Variants in ADGRL2 observed in about 807,000 individuals in gnomAD.
ADGRL2 encodes adhesion G protein-coupled receptor L2, also known as calcium-independent alpha-latrotoxin receptor 2.
In ADGRL2, 44 loss-of-function variants were observed where a neutral mutation model predicts 157.4. That is an observed-to-expected ratio of 0.28 (90% CI 0.22 to 0.36). The LOEUF is 0.36. Ranked by LOEUF, ADGRL2 falls within the 10% of genes least tolerant of loss-of-function variation. The pLI, the probability that ADGRL2 is intolerant of heterozygous loss-of-function variation, is 1.00. For missense variants in ADGRL2, 1,510 were observed against 1,768.9 expected (o/e 0.85, Z 2.63); for synonymous variants, 585 against 624.7 (o/e 0.94, Z 0.95).
At chr1:81,321,024 T>C (rs1200371269) in intron 1 of ADGRL2, among the ~76,000 whole-genome samples, 1 of 152,218 alleles carries the variant, frequency 6.6e-6, no homozygotes, top group Admixed American at 6.5e-5. Flanking sequence ...CATAGCCACC[T>C]TCATCAACTA....
chr1:81,899,462 A>G (rs1286071598), intron 2 of ADGRL2, among the ~76,000 whole-genome samples: 1 of 152,188 alleles, frequency 6.6e-6, no homozygotes, highest in Non-Finnish European at 1.5e-5. Context: ...AGCCTAAAGC[A>G]GAGAGAGTTA....
At chr1:81,925,895 A>G (rs1168063552) in intron 3 of ADGRL2, among the ~76,000 whole-genome samples, 3 of 152,058 alleles carry the variant, frequency 2.0e-5, no homozygotes, top group African/African-American at 7.2e-5. Context: ...AAAAATCTTT[A>G]TGGCATAATT....
intron 1 of ADGRL2, among the ~76,000 whole-genome samples, chr1:81,405,806 T>C (rs929244484): frequency 6.6e-6 from 1 of 152,138 alleles, no homozygotes; most frequent in Non-Finnish European, 1.5e-5. Flanking sequence ...TATGCAATCA[T>C]AAATATGACA....
chr1:81,418,040 C>T (rs2077062168), intron 1 of ADGRL2, among the ~76,000 whole-genome samples: 1 of 152,084 alleles, frequency 6.6e-6, no homozygotes, highest in Non-Finnish European at 1.5e-5. Flanking sequence ...TCATTGAGTG[C>T]TCTAACCACA....
At chr1:81,562,629 T>C (rs1454225131) in intron 2 of ADGRL2, among the ~76,000 whole-genome samples, 1 of 152,130 alleles carries the variant, frequency 6.6e-6, no homozygotes, top group African/African-American at 2.4e-5. Context: ...TAGATTTTTC[T>C]ATTATTTAAA....
chr1:81,687,024 A>G (rs2083241729), intron 3 of ADGRL2, among the ~76,000 whole-genome samples: 1 of 152,136 alleles, frequency 6.6e-6, no homozygotes, highest in Non-Finnish European at 1.5e-5. Flanking sequence ...ATTTTCTTAA[A>G]TTTATTGAGG....
intron 1 of ADGRL2, among the ~76,000 whole-genome samples, chr1:81,401,980 ATTGTTTGTTTGT>A (rs148111228): frequency 2.0e-5 from 3 of 152,012 alleles, no homozygotes. Context: ...AAAATTAGTA[ATTGTTTGTTTGT>A]TTGTTTGTTT....
At position 81,331,795 on chromosome 1, in the gene ADGRL2, G is replaced by A. The variant is rs1303239163; in HGVS notation, c.-302+25286G>A. Among the ~76,000 whole-genome samples the A allele has an allele frequency of 2.6e-5, 4 of 152,206 alleles. No individual in the cohort carries two copies. The East Asian group carries it at 7.7e-4, about 29-fold the overall frequency. ...AGTTAAAACTGTGAGTACTTAGTAT[G>A]CATTATGATGTAAAATGTAATATCA... On this transcript the variant is annotated intron_variant, in intron 1 of 24. Transcript: ENST00000370721.
intron 2 of ADGRL2, among the ~76,000 whole-genome samples, chr1:81,774,710 A>AT (rs1211307678): frequency 6.6e-6 from 1 of 152,132 alleles, no homozygotes; most frequent in African/African-American, 2.4e-5. Context: ...AGTTTTTGGA[A>AT]TAATAAATTT....
intron 1 of ADGRL2, among the ~76,000 whole-genome samples, chr1:81,388,495 GA>G (rs568137352): frequency 1.2e-4 from 19 of 152,188 alleles, no homozygotes; most frequent in African/African-American, 3.9e-4. Flanking sequence ...ACTATGGTCT[GA>G]ATGTTTTATC....
chr1:81,774,198 A>G (rs1227886503), intron 2 of ADGRL2, among the ~76,000 whole-genome samples: 1 of 152,232 alleles, frequency 6.6e-6, no homozygotes, highest in Non-Finnish European at 1.5e-5. Context: ...CTAGTCAGTC[A>G]TGAAGGGCTG....
intron 2 of ADGRL2, chr1:81,513,834 A>ACTCTGAT (rs1230296797): frequency 6.6e-6 from 1 of 152,166 alleles, no homozygotes; most frequent in Non-Finnish European, 1.5e-5. Context: ...AATGTCTTTG[A>ACTCTGAT]AGGACAGCTC....
chr1:81,983,199 T>C (rs1662152489), intron 19 of ADGRL2, among the ~76,000 whole-genome samples: 1 of 152,022 alleles, frequency 6.6e-6, no homozygotes, highest in African/African-American at 2.4e-5. Flanking sequence ...GAGTCTCTTA[T>C]GCTTTTTAGA....
chr1:81,961,970 A>G (rs1397188683), intron 11 of ADGRL2, among the ~76,000 whole-genome samples: 1 of 152,148 alleles, frequency 6.6e-6, no homozygotes, highest in African/African-American at 2.4e-5. Flanking sequence ...GGAAAACTGT[A>G]ATGAAAGTTT....
Position 81,806,703 on chromosome 1 carries a change from G to GTAGGTTAAACATACTTGTACCTA in ADGRL2, c.-101+5636_-101+5658dup, listed in dbSNP as rs1349836848. On this transcript the variant is annotated intron_variant, in intron 1 of 23. Transcript: ENST00000686636. Reference sequence around the variant, plus strand: ...ACAGTTGTAGGTGGAATTCTAAGATGTAGGTTAAACATACTTGTACCTACC... The same window carrying GTAGGTTAAACATACTTGTACCTA: ...ACAGTTGTAGGTGGAATTCTAAGATGTAGGTTAAACATACTTGTACCTATAGGTTAAACATACTTGTACCTACC... Among the ~76,000 whole-genome samples, 265 of 152,096 alleles carry GTAGGTTAAACATACTTGTACCTA rather than the reference G, an allele frequency of 1.7e-3. 1 individual carries two copies. The highest frequency in any genetic ancestry group is 3.2e-3 in the Non-Finnish European group (214 of 67,878).
chr1:81,337,082 T>A (rs1278082515), intron 1 of ADGRL2, among the ~76,000 whole-genome samples: 1 of 152,150 alleles, frequency 6.6e-6, no homozygotes, highest in African/African-American at 2.4e-5. Flanking sequence ...CTGGGGATAG[T>A]CGATTTCCAG....
intron 2 of ADGRL2, among the ~76,000 whole-genome samples, chr1:81,885,665 G>A (rs775612566): frequency 4.1e-4 from 63 of 152,162 alleles, no homozygotes; most frequent in Non-Finnish European, 7.6e-4. Context: ...ATAAGGCTTG[G>A]TGTCAAAAAG....
chr1:81,329,472 A>G (rs996354238), intron 1 of ADGRL2, among the ~76,000 whole-genome samples: 1 of 152,156 alleles, frequency 6.6e-6, no homozygotes, highest in Non-Finnish European at 1.5e-5. Context: ...CTGCTCCACA[A>G]TCTAAACTTA....
chr1:81,414,206 A>T (rs2076996702), intron 1 of ADGRL2: 1 of 152,134 alleles, frequency 6.6e-6, no homozygotes, highest in Non-Finnish European at 1.5e-5. Context: ...ACTCCTGAAG[A>T]CAGTAAATCA....
Sources: allele counts gnomAD v4.1 joint callset (sites outside exome capture counted in the v4.1 genomes callset), GRCh38; gene constraint gnomAD v4.1.1; transcripts MANE v1.5; gene names NCBI Gene and HGNC (gene_info 2026-07-23, HGNC 2026-07-21).